Variants in NRXN1 observed in about 807,000 individuals in gnomAD.
The protein encoded by NRXN1 is neurexin 1, also known as neurexin-1.
A neutral mutation model predicts 150.9 loss-of-function variants in NRXN1; 39 were observed. The ratio of observed to expected loss-of-function variants is 0.26; its 90% CI spans 0.20 to 0.34. NRXN1 has a LOEUF of 0.34. NRXN1 is among the 10% of genes least tolerant of loss of function. The probability of loss-of-function intolerance (pLI) is 1.00; values close to 1 mark genes in which losing one functional copy is unlikely to be tolerated. For synonymous variants in NRXN1, 924 were observed against 757.0 expected (o/e 1.22, Z -3.62); for missense variants, 1,815 against 1,949.9 (o/e 0.93, Z 1.30).
At chr2:50,612,623 C>CA (rs1207324755) in intron 8 of NRXN1, among the ~76,000 whole-genome samples, 1 of 152,170 alleles carries the variant, frequency 6.6e-6, no homozygotes, top group Non-Finnish European at 1.5e-5. Context: ...ACCCCTTCAG[C>CA]AAAAGCTCCT....
Position 51,015,619 on chromosome 2 carries a change from A to G in NRXN1, c.772+11883T>C, listed in dbSNP as rs970205754. On this transcript the variant is annotated intron_variant, in intron 2 of 22. Coordinates refer to ENST00000401669, the MANE Select transcript of NRXN1 (RefSeq NM_001330078.2). ...CTGTACTTTTATGAAGGAAATCAAT[A>G]TATAGAGTCATAGAATAACAATGGA... 1.6e-4 allele frequency among the ~76,000 whole-genome samples: 24 copies of G among 152,026 alleles called. 1 individual carries two copies. The highest frequency in any genetic ancestry group is 1.6e-3 in the Admixed American group (24 of 15,246).
At chr2:50,466,360 C>G (rs2088846696) in intron 16 of NRXN1, 1 of 345,932 alleles carries the variant, frequency 2.9e-6, no homozygotes, top group East Asian at 8.3e-5. Flanking sequence ...AAATCTGAAC[C>G]CAAATAACAG....
At chr2:50,959,816 T>C (rs1298642660) in intron 2 of NRXN1, among the ~76,000 whole-genome samples, 1 of 152,020 alleles carries the variant, frequency 6.6e-6, no homozygotes, top group East Asian at 1.9e-4. Context: ...TCAAGAAACA[T>C]GGAAATTAAA....
intron 17 of NRXN1, among the ~76,000 whole-genome samples, chr2:50,438,514 T>G (rs1003806783): frequency 6.6e-6 from 1 of 152,236 alleles, no homozygotes; most frequent in Admixed American, 6.5e-5. Context: ...AGCACAGATG[T>G]CACTTTATTG....
chr2:50,456,101 T>C (rs1237807459), intron 17 of NRXN1, among the ~76,000 whole-genome samples: 2 of 152,188 alleles, frequency 1.3e-5, no homozygotes, highest in Non-Finnish European at 2.9e-5. Context: ...GTTATATATT[T>C]ATAAGAAGTG....
intron 8 of NRXN1, among the ~76,000 whole-genome samples, chr2:50,609,699 G>C (rs1048678281): frequency 1.3e-5 from 2 of 151,378 alleles, no homozygotes; most frequent in East Asian, 3.9e-4. Flanking sequence ...TCTATAAAAA[G>C]TTATTGTTAT....
chr2:50,361,771 T>C (rs1170258405), intron 17 of NRXN1, among the ~76,000 whole-genome samples: 3 of 152,048 alleles, frequency 2.0e-5, no homozygotes, highest in African/African-American at 4.8e-5. Flanking sequence ...CATCCTCATA[T>C]CAAAACCTGG....
At chr2:50,717,163 T>C (rs1404840313) in intron 5 of NRXN1, among the ~76,000 whole-genome samples, 7 of 152,210 alleles carry the variant, frequency 4.6e-5, no homozygotes, top group Non-Finnish European at 8.8e-5. Flanking sequence ...TTAATTCAAA[T>C]TGGCATGCAA....
intron 5 of NRXN1, among the ~76,000 whole-genome samples, chr2:50,815,399 CT>C (rs1668791614): frequency 6.6e-6 from 1 of 152,094 alleles, no homozygotes; most frequent in South Asian, 2.1e-4. Context: ...TAATTAAAAT[CT>C]TTACAGTACC....
intron 8 of NRXN1, among the ~76,000 whole-genome samples, chr2:50,594,833 A>T (rs1311571655): frequency 2.6e-5 from 4 of 151,920 alleles, no homozygotes; most frequent in Non-Finnish European, 4.4e-5. Context: ...GTCTTACTCC[A>T]TCCTATCTCA....
chr2:49,938,858 C>A (rs931876662), intron 22 of NRXN1, among the ~76,000 whole-genome samples: 4 of 152,108 alleles, frequency 2.6e-5, no homozygotes, highest in Non-Finnish European at 5.9e-5. Context: ...TTTAAAACTT[C>A]TTCAGGAGTT....
intron 5 of NRXN1, among the ~76,000 whole-genome samples, chr2:50,753,768 C>T (rs372835575): frequency 3.3e-5 from 5 of 151,714 alleles, no homozygotes; most frequent in Non-Finnish European, 5.9e-5. Context: ...AAGTATGAAA[C>T]GATTATATCA....
At chr2:50,409,657 G>C (rs547694782) in intron 17 of NRXN1, among the ~76,000 whole-genome samples, 3 of 152,166 alleles carry the variant, frequency 2.0e-5, no homozygotes, top group Non-Finnish European at 4.4e-5. Flanking sequence ...TACTTTTTGA[G>C]TTAAGCCCTG....
chr2:50,381,253 T>C (rs2080938975), intron 17 of NRXN1, among the ~76,000 whole-genome samples: 1 of 152,058 alleles, frequency 6.6e-6, no homozygotes, highest in Non-Finnish European at 1.5e-5. Flanking sequence ...CTTCTCTGTG[T>C]CAGTGAAATG....
chr2:50,400,936 A>G (rs530192963), intron 17 of NRXN1, among the ~76,000 whole-genome samples: 2 of 152,306 alleles, frequency 1.3e-5, no homozygotes, highest in African/African-American at 4.8e-5. Context: ...TATTCATGTC[A>G]TAGTGCTGTG....
chr2:50,167,910 A>G (rs2059785834), intron 18 of NRXN1, among the ~76,000 whole-genome samples: 1 of 152,182 alleles, frequency 6.6e-6, no homozygotes, highest in African/African-American at 2.4e-5. Context: ...AGTTCAGTTT[A>G]TTTCTCCACT....
intron 5 of NRXN1, among the ~76,000 whole-genome samples, chr2:50,631,673 G>T (rs1217240530): frequency 6.6e-6 from 1 of 151,926 alleles, no homozygotes; most frequent in Non-Finnish European, 1.5e-5. Flanking sequence ...CAATCTTATT[G>T]TGCAATTGAT....
chr2:50,319,263 T>C (rs1271610201), intron 17 of NRXN1, among the ~76,000 whole-genome samples: 1 of 152,174 alleles, frequency 6.6e-6, no homozygotes, highest in Non-Finnish European at 1.5e-5. Context: ...ACATTAATTA[T>C]ATATTGTAGT....
intron 5 of NRXN1, among the ~76,000 whole-genome samples, chr2:50,767,024 C>T (rs1380380061): frequency 6.6e-6 from 1 of 151,982 alleles, no homozygotes; most frequent in Non-Finnish European, 1.5e-5. Flanking sequence ...CAAAAGATTC[C>T]TGGTCCTGAC....
Sources: allele counts gnomAD v4.1 joint callset (sites outside exome capture counted in the v4.1 genomes callset), GRCh38; gene constraint gnomAD v4.1.1; transcripts MANE v1.5; gene names NCBI Gene and HGNC (gene_info 2026-07-23, HGNC 2026-07-21).